The following PFKP variants were observed in gnomAD, a reference collection of about 807,000 sequenced individuals.
PFKP encodes the protein ATP-dependent 6-phosphofructokinase, platelet type.
In PFKP, 101 loss-of-function variants were observed where a neutral mutation model predicts 94.3. The ratio of observed to expected loss-of-function variants is 1.07; its 90% CI spans 0.91 to 1.26. The LOEUF (loss-of-function observed/expected upper bound fraction) is 1.26. Among genes scored for constraint, PFKP ranks in the 50% most tolerant of loss-of-function variants. The pLI, the probability that PFKP is intolerant of heterozygous loss-of-function variation, is 0.00. For synonymous variants in PFKP, 573 were observed against 432.6 expected (o/e 1.32, Z -4.03); for missense variants, 1,145 against 1,103.3 (o/e 1.04, Z -0.53).
intron 16 of PFKP, 98 bp downstream of exon 16, chr10:3,120,142 C>A: frequency 1.1e-6 from 1 of 935,708 alleles, no homozygotes; most frequent in Non-Finnish European, 1.7e-6. Context: ...TAGCCTTTTA[C>A]AAATACCCTG....
At chr10:3,096,387 A>C (rs572499294) in intron 2 of PFKP, among the ~76,000 whole-genome samples, 8 of 152,292 alleles carry the variant, frequency 5.3e-5, no homozygotes, top group African/African-American at 1.7e-4. Context: ...TTTACCAAAA[A>C]ACTGCATGCA....
At chr10:3,069,608 T>C (rs76947028) in intron 1 of PFKP, among the ~76,000 whole-genome samples, 5,938 of 152,136 alleles carry the variant, frequency 0.039, 181 homozygotes, top group Non-Finnish European at 0.056. Context: ...GTGGGCCTTG[T>C]ACGGTGGCTC....
intron 1 of PFKP, among the ~76,000 whole-genome samples, chr10:3,078,162 G>T (rs914052043): frequency 6.6e-6 from 1 of 152,194 alleles, no homozygotes; most frequent in African/African-American, 2.4e-5. Context: ...CAGGGCCCAC[G>T]GACAGCCCTA....
At chr10:3,081,689 C>G (rs906799724) in intron 1 of PFKP, among the ~76,000 whole-genome samples, 1 of 152,292 alleles carries the variant, frequency 6.6e-6, no homozygotes, top group African/African-American at 2.4e-5. Flanking sequence ...CAGTGGAGAG[C>G]TAGGTGGAGG....
At chr10:3,104,811 C>T (rs1011097887) in intron 5 of PFKP, 28 of 470,100 alleles carry the variant, frequency 6.0e-5, no homozygotes, top group African/African-American at 4.0e-4. Context: ...GAGCCCAGCA[C>T]GGGGCCGGGG....
intron 1 of PFKP, among the ~76,000 whole-genome samples, chr10:3,074,689 C>G (rs535199534): frequency 9.2e-5 from 14 of 152,242 alleles, no homozygotes; most frequent in Admixed American, 3.9e-4. Flanking sequence ...CATGTGAGCT[C>G]CAACAGACAC....
chr10:3,108,787 G>C lies in PFKP; in HGVS notation c.957G>C (p.Arg319Ser). The C allele has an allele frequency of 6.2e-7, 1 of 1,609,954 alleles. No individual in the cohort carries two copies. Among genetic ancestry groups the C allele is most frequent in the Non-Finnish European group, 8.5e-7 (1 of 1,176,234 alleles). Reference sequence around the variant, plus strand: ...GAGGGACCCCTTCGGCATTCGACAGGATCTTGGTGAGTTGGGAAGGGTTGG... The same window carrying C: ...GAGGGACCCCTTCGGCATTCGACAGCATCTTGGTGAGTTGGGAAGGGTTGG... The part of the protein sequence containing the change: ...QRGGTPSAFD[R>S]ILASRMGVEA... Residue 319 changes from arginine to serine, a missense_variant, in exon 9 of 22, where the codon AGG (arginine) becomes AGC (serine). Around this residue, in one of 3 missense-constraint regions of PFKP, gnomAD observed 1,119 missense variants for 1,062.8 expected, o/e 1.05. Coordinates refer to ENST00000381125, the MANE Select transcript of PFKP (RefSeq NM_002627.5).
chr10:3,134,297 G>A (rs2306313), intron 19 of PFKP, among the ~76,000 whole-genome samples, 186 bp from the exon 20 acceptor site: 1 of 152,298 alleles, frequency 6.6e-6, no homozygotes, highest in South Asian at 2.1e-4. Context: ...CTGAGCGGGG[G>A]GAACACTTGA....
At chr10:3,068,699 G>T in intron 1 of PFKP, 1 of 985,206 alleles carries the variant, frequency 1.0e-6, no homozygotes, top group Non-Finnish European at 1.2e-6. Context: ...GGGGGCGCCG[G>T]TGCCCGGATG....
At chr10:3,071,324 C>T (rs1218656444) in intron 1 of PFKP, among the ~76,000 whole-genome samples, 5 of 151,078 alleles carry the variant, frequency 3.3e-5, no homozygotes, top group Non-Finnish European at 7.4e-5. Context: ...TTTCTATATT[C>T]CCGACTCCCC....
intron 18 of PFKP, 134 bp downstream of exon 18, chr10:3,132,575 C>T (rs1206445848): frequency 3.1e-6 from 2 of 645,992 alleles, no homozygotes; most frequent in Non-Finnish European, 5.6e-6. Context: ...TGAGCAGGTG[C>T]AGAAGACAGC....
At chr10:3,135,327 GTC>G (rs1261359012) in intron 20 of PFKP, among the ~76,000 whole-genome samples, 3 of 152,206 alleles carry the variant, frequency 2.0e-5, no homozygotes, top group Non-Finnish European at 4.4e-5. Context: ...CAATGGGTTT[GTC>G]TTTTTGAAGA....
chr10:3,115,938 C>A (rs578019977), intron 13 of PFKP, among the ~76,000 whole-genome samples: 2 of 152,278 alleles, frequency 1.3e-5, no homozygotes, highest in African/African-American at 4.8e-5. Flanking sequence ...TGTGTTGGCC[C>A]ATCCACCCGC....
chr10:3,135,878 G>A, intron 21 of PFKP, 40 bp downstream of exon 21: 1 of 1,213,528 alleles, frequency 8.2e-7, no homozygotes, highest in Non-Finnish European at 1.2e-6. Context: ...AGACCCCAAT[G>A]TGAGTACGGG....
chr10:3,094,939 G>C (rs1044295974), intron 2 of PFKP, among the ~76,000 whole-genome samples: 1 of 152,236 alleles, frequency 6.6e-6, no homozygotes, highest in Non-Finnish European at 1.5e-5. Flanking sequence ...TCTGGATGCA[G>C]TAACTATGTC....
rs780752781 is a variant in PFKP, at chr10:3,129,859, G to T, written c.1724G>T (p.Arg575Leu). 4 of 1,613,548 alleles carry T rather than the reference G, an allele frequency of 2.5e-6. No individual in the cohort carries two copies. The African/African-American group carries it at 5.3e-5, about 22-fold the overall frequency. ...AAGCAGTCCGCCAGCGGAACCAAGC[G>T]GCGCGTGTTCATCATCGAGACCATG... ...RIKQSASGTK[R>L]RVFIIETMGG... Residue 575 changes from arginine to leucine, a missense_variant, in exon 17 of 22, where the codon CGG becomes CTG. Arg to Leu is a moderately radical substitution (Grantham distance 102). Transcript: ENST00000381125.
At chr10:3,107,649 G>T (rs1835770072) in intron 8 of PFKP, 2 of 689,862 alleles carry the variant, frequency 2.9e-6, no homozygotes, top group African/African-American at 1.9e-5. Flanking sequence ...CTGACCACTT[G>T]GCAGCCGACC....
At position 3,107,329 on chromosome 10, in the gene PFKP, C is replaced by G. The variant is rs755713489; in HGVS notation, c.870+20C>G. 10 of 1,458,282 alleles carry G rather than the reference C, an allele frequency of 6.9e-6. No individual in the cohort carries two copies. Among genetic ancestry groups the G allele is most frequent in the Non-Finnish European group, 8.7e-6 (9 of 1,039,146 alleles). 90.3% of individuals were successfully genotyped at this position (1,458,282 alleles called of 1,614,324 possible). On this transcript the variant is annotated intron_variant, in intron 8 of 21. Coordinates refer to ENST00000381125, the MANE Select transcript of PFKP (RefSeq NM_002627.5). ...AAAGAGGTGAGTGTGTGTAGCTGCTCACTTTCTCTCGGTTTCTGCCTGGAA... is the reference window on the plus strand; with the variant it reads ...AAAGAGGTGAGTGTGTGTAGCTGCTGACTTTCTCTCGGTTTCTGCCTGGAA...
intron 2 of PFKP, among the ~76,000 whole-genome samples, chr10:3,090,700 C>A (rs1305607957): frequency 1.3e-5 from 2 of 152,110 alleles, no homozygotes; most frequent in Admixed American, 6.5e-5. Context: ...GTCCACCTAC[C>A]CCATAGTCAT....
Sources: gnomAD v4.1 joint callset for allele counts (sites outside exome capture counted in the v4.1 genomes callset) on GRCh38, gnomAD v4.1.1 for gene constraint, gnomAD v4.1.1 regional missense constraint, MANE v1.5 for transcripts, NCBI Gene and HGNC (gene_info 2026-07-23, HGNC 2026-07-21) for gene names.